The following GPM6B variants were observed in gnomAD, a reference collection of about 807,000 sequenced individuals.
GPM6B encodes glycoprotein M6B.
Under a neutral mutation model 27.2 loss-of-function variants are expected in GPM6B, and 4 were observed. The ratio of observed to expected loss-of-function variants is 0.15; its 90% CI spans 0.07 to 0.34. The LOEUF (loss-of-function observed/expected upper bound fraction) is 0.34. Ranked by LOEUF, GPM6B falls within the 10% of genes least tolerant of loss-of-function variation. GPM6B has a pLI of 1.00. For missense variants in GPM6B, 183 were observed against 261.9 expected, an observed-to-expected ratio of 0.70 and a Z score of 2.08; for synonymous variants, 124 against 103.1, an observed-to-expected ratio of 1.20 and a Z score of -1.23.
chrX:13,817,589 A>G (rs1659649584), upstream of GPM6B, among the ~76,000 whole-genome samples: 1 of 112,453 alleles, frequency 8.9e-6, no homozygotes, highest in African/African-American at 3.2e-5. Context: ...CTGGCAAAAC[A>G]TATTCAAAGG....
chrX:13,773,083 C>T, intron 7 of GPM6B, 53 bp from the exon 8 acceptor site: 6 of 1,101,088 alleles, frequency 5.4e-6, no homozygotes, highest in South Asian at 1.9e-5. Flanking sequence ...GAAGGCAAAG[C>T]GAGGCGCTAG....
At chrX:13,852,352 T>C (rs1197893534) in intron 1 of GPM6B, among the ~76,000 whole-genome samples, 1 of 111,377 alleles carries the variant, frequency 9.0e-6, no homozygotes, top group Non-Finnish European at 1.9e-5. Context: ...TTGATTCACC[T>C]CAAGCAGACT....
chrX:13,817,224 G>A, upstream of GPM6B: 6 of 841,956 alleles, frequency 7.1e-6, no homozygotes, highest in Non-Finnish European at 8.6e-6. Context: ...GGAGTTGGGG[G>A]TAGGGGGGTG....
intron 1 of GPM6B, among the ~76,000 whole-genome samples, chrX:13,860,249 T>C (rs2147251038): frequency 8.9e-6 from 1 of 112,323 alleles, no homozygotes; most frequent in Non-Finnish European, 1.9e-5. Flanking sequence ...ATTTTAGTTT[T>C]GTGGATTTTA....
At chrX:13,827,983 T>C (rs1205352165) in intron 1 of GPM6B, among the ~76,000 whole-genome samples, 2 of 111,239 alleles carry the variant, frequency 1.8e-5, no homozygotes, top group Non-Finnish European at 3.8e-5. Flanking sequence ...AGGTGCTTTC[T>C]CATGCAGGCA....
intron 1 of GPM6B, among the ~76,000 whole-genome samples, chrX:13,848,106 T>C (rs1020617493): frequency 1.2e-4 from 14 of 112,100 alleles, no homozygotes; most frequent in African/African-American, 3.2e-5. Context: ...TGTACTCTAC[T>C]GAAGAAAGCC....
chrX:13,909,417 C>T (rs955011923), intron 1 of GPM6B, among the ~76,000 whole-genome samples: 11 of 110,929 alleles, frequency 9.9e-5, no homozygotes, highest in Admixed American at 3.9e-4. Context: ...TGTGAGCCAC[C>T]GTGCTCAGCC....
intron 7 of GPM6B, chrX:13,774,277 T>A (rs1247685204): frequency 1.6e-5 from 14 of 876,820 alleles, no homozygotes; most frequent in Non-Finnish European, 4.2e-6. Context: ...AATGTTTAAG[T>A]ATGAGAACAT....
chrX:13,844,991 T>C (rs950856630), intron 1 of GPM6B, among the ~76,000 whole-genome samples: 19 of 98,415 alleles, frequency 1.9e-4, no homozygotes, highest in African/African-American at 7.0e-4. Context: ...TTTTTCTTTT[T>C]CTTTTTTTTT....
At chrX:13,850,357 G>C (rs953281055) in intron 1 of GPM6B, among the ~76,000 whole-genome samples, 28 of 112,302 alleles carry the variant, frequency 2.5e-4, no homozygotes, top group African/African-American at 8.7e-4. Flanking sequence ...TCTGCCATGA[G>C]TGGAAGCTTC....
chrX:13,866,057 G>A (rs2049913786), intron 1 of GPM6B, among the ~76,000 whole-genome samples: 1 of 111,252 alleles, frequency 9.0e-6, no homozygotes, highest in South Asian at 3.8e-4. Context: ...TTATGGTGAG[G>A]GGAGTTAGAA....
chrX:13,926,240 A>G (rs905406385), intron 1 of GPM6B, among the ~76,000 whole-genome samples: 2 of 98,366 alleles, frequency 2.0e-5, no homozygotes, highest in Non-Finnish European at 4.1e-5. Context: ...CGTCTCTACT[A>G]AAAAAAAAAT....
At position 13,837,724 on chromosome X, in the gene GPM6B, G is replaced by GGGGGGGGGGGGGGGC. The variant is rs1555918783; in HGVS notation, c.-197-51917_-197-51916insGCCCCCCCCCCCCCC. Among the ~76,000 whole-genome samples the GGGGGGGGGGGGGGGC allele has an allele frequency of 6.1e-5, 2 of 32,882 alleles. 1 individual carries two copies. Among genetic ancestry groups the GGGGGGGGGGGGGGGC allele is most frequent in the Non-Finnish European group, 1.6e-4 (2 of 12,311 alleles). 28.6% of individuals were successfully genotyped at this position (32,882 alleles called of 115,157 possible). A position where few individuals can be genotyped will look rare whatever the true frequency, so the allele number is the denominator to read the frequency against. On this transcript the variant is annotated intron_variant, in intron 1 of 6. Transcript: ENST00000398361. Reference sequence around the variant, plus strand: ...AAGCAAGTTGGTGGGGGGGGGGGGGGGGGGAAGCAGAGGGGAAAGCAAAGC... The same window carrying GGGGGGGGGGGGGGGC: ...AAGCAAGTTGGTGGGGGGGGGGGGGGGGGGGGGGGGGGGGCGGGGAAGCAGAGGGGAAAGCAAAGC...
Position 13,783,301 on chromosome X carries a change from G to A in GPM6B, c.525+64C>T. On this transcript the variant is annotated intron_variant, in intron 4 of 7. Transcript: ENST00000316715. Reference sequence around the variant, plus strand: ...CCTGGTAGCTTTTGCCAAATACAAGGAAATACATCAAGGCATGGCTCTGGT... The same window carrying A: ...CCTGGTAGCTTTTGCCAAATACAAGAAAATACATCAAGGCATGGCTCTGGT... 5.0e-6 allele frequency: 5 copies of A among 992,154 alleles called. No individual in the cohort carries two copies. The East Asian group carries it at 1.3e-4, about 26-fold the overall frequency. The allele number at this position is 992,154 out of a possible 1,213,427, so 81.8% of individuals were successfully genotyped here.
At chrX:13,865,958 C>A (rs755092026) in intron 1 of GPM6B, among the ~76,000 whole-genome samples, 57 of 110,751 alleles carry the variant, frequency 5.1e-4, no homozygotes, top group Non-Finnish European at 1.0e-3. Context: ...AAGACAAATA[C>A]CTCATGATCC....
chrX:13,786,141 C>T (rs779339049), intron 2 of GPM6B, among the ~76,000 whole-genome samples: 2 of 112,419 alleles, frequency 1.8e-5, no homozygotes, highest in South Asian at 3.7e-4. Flanking sequence ...GGGGGAGCCC[C>T]GCTCAAGTGC....
intron 1 of GPM6B, among the ~76,000 whole-genome samples, chrX:13,833,282 T>A: frequency 8.9e-6 from 1 of 111,843 alleles, no homozygotes; most frequent in Non-Finnish European, 1.9e-5. Context: ...GAAACAAATG[T>A]ATTTTCTATT....
At chrX:13,853,602 A>AG (rs1207439627) in intron 1 of GPM6B, among the ~76,000 whole-genome samples, 8 of 107,294 alleles carry the variant, frequency 7.5e-5, no homozygotes, top group Admixed American at 4.0e-4. Flanking sequence ...AAAAAAAAAA[A>AG]AAAAAAAAAA....
intron 1 of GPM6B, among the ~76,000 whole-genome samples, chrX:13,869,816 CTAAGAAATT>C (rs1429291292): frequency 1.8e-5 from 2 of 112,213 alleles, no homozygotes; most frequent in Non-Finnish European, 3.8e-5. Context: ...TTTATCAAAA[CTAAGAAATT>C]AGCCTTGGCA....
Sources: gnomAD v4.1 joint callset for allele counts (sites outside exome capture counted in the v4.1 genomes callset) on GRCh38, gnomAD v4.1.1 for gene constraint, MANE v1.5 for transcripts, NCBI Gene and HGNC (gene_info 2026-07-23, HGNC 2026-07-21) for gene names.